GPC5: variants seen among roughly 807,000 people sequenced by gnomAD.
GPC5 encodes glypican-5.
In GPC5, 47 loss-of-function variants were observed where a neutral mutation model predicts 53.9. The observed-to-expected ratio is 0.87, with a 90% confidence interval of 0.69 to 1.11. The LOEUF is 1.11. Ranked by LOEUF, GPC5 falls within the 50% of genes most tolerant of loss-of-function variation. GPC5 has a pLI of 0.00. For synonymous variants in GPC5, 286 were observed against 263.3 expected, an observed-to-expected ratio of 1.09 and a Z score of -0.84; for missense variants, 748 against 713.1, an observed-to-expected ratio of 1.05 and a Z score of -0.56.
intron 5 of GPC5, among the ~76,000 whole-genome samples, chr13:91,789,977 A>G (rs931033983): frequency 6.6e-6 from 1 of 152,202 alleles, no homozygotes; most frequent in African/African-American, 2.4e-5. Flanking sequence ...TTTTGGGGGA[A>G]CTAATCTATT....
At chr13:91,928,919 T>C (rs191299698) in intron 6 of GPC5, among the ~76,000 whole-genome samples, 8 of 152,298 alleles carry the variant, frequency 5.3e-5, no homozygotes, top group African/African-American at 1.9e-4. Context: ...TTAAAATTTT[T>C]ACTCCAGAGA....
intron 7 of GPC5, among the ~76,000 whole-genome samples, chr13:92,863,064 C>T (rs1879232167): frequency 6.6e-6 from 1 of 152,072 alleles, no homozygotes; most frequent in Admixed American, 6.5e-5. Context: ...GATTAATACC[C>T]CAAAGTAGCA....
At chr13:92,740,334 A>G (rs1889050446) in intron 7 of GPC5, among the ~76,000 whole-genome samples, 1 of 152,060 alleles carries the variant, frequency 6.6e-6, no homozygotes, top group African/African-American at 2.4e-5. Context: ...AGCAACATTT[A>G]TCAATTGAAT....
intron 2 of GPC5, among the ~76,000 whole-genome samples, chr13:91,583,318 C>T (rs1375310324): frequency 1.3e-5 from 2 of 152,060 alleles, no homozygotes; most frequent in East Asian, 3.8e-4. Flanking sequence ...TATATTTGAA[C>T]TATTAAAATT....
At chr13:91,615,086 G>A (rs982082952) in intron 2 of GPC5, among the ~76,000 whole-genome samples, 3 of 150,818 alleles carry the variant, frequency 2.0e-5, no homozygotes, top group Non-Finnish European at 4.5e-5. Flanking sequence ...TTTACAAAGA[G>A]GCATTAGGAT....
At chr13:92,051,355 C>T (rs1482495663) in intron 6 of GPC5, among the ~76,000 whole-genome samples, 2 of 151,998 alleles carry the variant, frequency 1.3e-5, no homozygotes, top group Non-Finnish European at 2.9e-5. Context: ...GCGCACACCA[C>T]CACGCCCAGC....
chr13:92,288,086 C>A (rs1395061789), intron 7 of GPC5, among the ~76,000 whole-genome samples: 1 of 151,868 alleles, frequency 6.6e-6, no homozygotes, highest in African/African-American at 2.4e-5. Flanking sequence ...CTATTTAAAT[C>A]TCTCTTCATA....
chr13:92,082,551 G>A (rs143681780), intron 6 of GPC5, among the ~76,000 whole-genome samples: 33 of 152,174 alleles, frequency 2.2e-4, no homozygotes, highest in African/African-American at 6.7e-4. Flanking sequence ...AACATTCTAC[G>A]AAGAAAATTC....
chr13:91,842,409 A>G (rs1312178595), intron 5 of GPC5, among the ~76,000 whole-genome samples: 1 of 148,780 alleles, frequency 6.7e-6, no homozygotes, highest in African/African-American at 2.5e-5. Flanking sequence ...TAGATGCTTA[A>G]GAATGTTATT....
intron 7 of GPC5, among the ~76,000 whole-genome samples, chr13:92,304,027 T>G (rs1234636340): frequency 6.6e-6 from 1 of 152,160 alleles, no homozygotes; most frequent in Non-Finnish European, 1.5e-5. Context: ...GATTCCATTC[T>G]ATTGTTTACT....
intron 7 of GPC5, among the ~76,000 whole-genome samples, chr13:92,499,744 G>A (rs9589564): frequency 0.067 from 10,129 of 152,052 alleles, 1,152 homozygotes; most frequent in African/African-American, 0.23. Flanking sequence ...TAGCTAACTC[G>A]GTAGGGAAAT....
intron 7 of GPC5, among the ~76,000 whole-genome samples, chr13:92,280,071 A>C (rs1193948225): frequency 2.0e-5 from 3 of 152,062 alleles, no homozygotes; most frequent in South Asian, 2.1e-4. Context: ...TTGATTATTC[A>C]GTTTTTCTAC....
At chr13:92,340,494 G>C (rs1039365884) in intron 7 of GPC5, 9 of 152,076 alleles carry the variant, frequency 5.9e-5, no homozygotes, top group Admixed American at 4.6e-4. Flanking sequence ...AAGTAGCTGG[G>C]ACAACAGGTG....
At chr13:92,477,537 T>C (rs1298462064) in intron 7 of GPC5, among the ~76,000 whole-genome samples, 1 of 152,200 alleles carries the variant, frequency 6.6e-6, no homozygotes, top group African/African-American at 2.4e-5. Context: ...TGACGCTTAA[T>C]TGTTATTTTC....
intron 6 of GPC5, among the ~76,000 whole-genome samples, chr13:92,010,361 A>G (rs1014822273): frequency 1.3e-5 from 2 of 152,210 alleles, no homozygotes; most frequent in Non-Finnish European, 2.9e-5. Context: ...AGTAAATCAC[A>G]TATAGTAGAG....
At chr13:91,952,045 AGTATAAT>A (rs2040030239) in intron 6 of GPC5, among the ~76,000 whole-genome samples, 1 of 152,164 alleles carries the variant, frequency 6.6e-6, no homozygotes, top group Non-Finnish European at 1.5e-5. Flanking sequence ...AATAATTTTA[AGTATAAT>A]GTAGGCAATT....
chr13:92,482,350 G>A (rs568408560), intron 7 of GPC5, among the ~76,000 whole-genome samples: 51 of 152,184 alleles, frequency 3.4e-4, no homozygotes, highest in African/African-American at 1.1e-3. Flanking sequence ...AAGCTGTTTA[G>A]CTTCCCACTC....
Position 91,425,790 on chromosome 13 carries a change from CA to C in GPC5, c.164-22970del, listed in dbSNP as rs149211127. Reference sequence around the variant, plus strand: ...AGCGACTTTGGAACTAGGTAATGGGCAGAGGTTGGAACAGTTTGGAGGGCTC... The same window carrying C: ...AGCGACTTTGGAACTAGGTAATGGGCGAGGTTGGAACAGTTTGGAGGGCTC... On this transcript the variant is annotated intron_variant, in intron 1 of 7. Transcript: ENST00000377067. Among the ~76,000 whole-genome samples, 1,130 of 152,188 alleles carry C rather than the reference CA, an allele frequency of 7.4e-3. 20 individuals are homozygous for C. The South Asian group carries it at 0.079, about 11-fold the overall frequency.
At chr13:91,974,456 G>A (rs1389927344) in intron 6 of GPC5, among the ~76,000 whole-genome samples, 1 of 151,830 alleles carries the variant, frequency 6.6e-6, no homozygotes, top group East Asian at 1.9e-4. Context: ...AAAATCACAA[G>A]CATTCTTAGA....
Sources: gnomAD v4.1 joint callset for allele counts (sites outside exome capture counted in the v4.1 genomes callset) on GRCh38, gnomAD v4.1.1 for gene constraint, MANE v1.5 for transcripts, NCBI Gene and HGNC (gene_info 2026-07-23, HGNC 2026-07-21) for gene names.